PDE3A: variants seen among roughly 807,000 people sequenced by gnomAD.
The protein encoded by PDE3A is cGMP-inhibited 3',5'-cyclic phosphodiesterase 3A.
In PDE3A, 43 loss-of-function variants were observed where a neutral mutation model predicts 98.3. That is an observed-to-expected ratio of 0.44 (90% CI 0.34 to 0.56). The LOEUF (loss-of-function observed/expected upper bound fraction) is 0.56. Among genes scored for constraint, PDE3A ranks in the 20% least tolerant of loss-of-function variants. PDE3A has a pLI of 0.01. For missense variants in PDE3A, 1,427 were observed against 1,440.7 expected (o/e 0.99, Z 0.15); for synonymous variants, 663 against 567.9 (o/e 1.17, Z -2.38).
rs1565476416 is a variant in PDE3A at position 20,680,199 on chromosome 12, T to TTTG, written c.3354_3355insTTG (p.Ala1118_Ile1119insLeu). On this transcript the variant is annotated inframe_insertion, in exon 16 of 16. Transcript: ENST00000359062. ...CGCACTCTTCAGAACAGATCCAGGC[T>TTTG]ATCAAGGAAGAAGAAGAAGAGAAAG... The TTTG allele has an allele frequency of 1.2e-6, 2 of 1,613,788 alleles. 1 individual carries two copies. Among genetic ancestry groups the TTTG allele is most frequent in the South Asian group, 2.2e-5 (2 of 91,084 alleles).
chr12:20,649,961 CCAAT>C (rs60937223), intron 13 of PDE3A, among the ~76,000 whole-genome samples: 76,132 of 151,670 alleles, frequency 0.5, 20,269 homozygotes, highest in East Asian at 0.76. Context: ...ATTATATATG[CCAAT>C]TTAAAAAAGC....
intron 1 of PDE3A, among the ~76,000 whole-genome samples, chr12:20,416,381 A>G (rs561977996): frequency 3.7e-4 from 56 of 152,362 alleles, no homozygotes; most frequent in African/African-American, 1.3e-3. Flanking sequence ...AATTTAAGAC[A>G]TGAATGGATA....
At chr12:20,458,572 C>T (rs1247560717) in intron 1 of PDE3A, among the ~76,000 whole-genome samples, 4 of 152,070 alleles carry the variant, frequency 2.6e-5, no homozygotes, top group African/African-American at 9.7e-5. Context: ...TACTGCCTGC[C>T]TGGGAGGAGT....
intron 1 of PDE3A, among the ~76,000 whole-genome samples, chr12:20,392,697 G>C (rs542882638): frequency 2.0e-5 from 3 of 152,122 alleles, no homozygotes; most frequent in African/African-American, 7.2e-5. Context: ...TTGTAGCACT[G>C]TTCACAATAG....
At chr12:20,517,128 C>A (rs1054914341) in intron 1 of PDE3A, among the ~76,000 whole-genome samples, 1 of 152,154 alleles carries the variant, frequency 6.6e-6, no homozygotes, top group Non-Finnish European at 1.5e-5. Context: ...CTTTCCAATG[C>A]GGTTCTAGAA....
At chr12:20,426,929 A>G (rs867819977) in intron 1 of PDE3A, among the ~76,000 whole-genome samples, 2 of 152,328 alleles carry the variant, frequency 1.3e-5, no homozygotes, top group South Asian at 2.1e-4. Flanking sequence ...GGGCTGTTCT[A>G]TGATTGCATG....
At chr12:20,675,462 T>C (rs1264693071) in intron 15 of PDE3A, among the ~76,000 whole-genome samples, 1 of 152,208 alleles carries the variant, frequency 6.6e-6, no homozygotes, top group South Asian at 2.1e-4. Context: ...CGTTTATTTA[T>C]TAATTTTCTG....
chr12:20,504,216 T>A (rs1003447836), intron 1 of PDE3A, among the ~76,000 whole-genome samples: 18 of 152,082 alleles, frequency 1.2e-4, no homozygotes, highest in Admixed American at 1.1e-3. Flanking sequence ...GTATTCTGCA[T>A]GCAGATAAAC....
intron 1 of PDE3A, among the ~76,000 whole-genome samples, chr12:20,378,091 A>G (rs1943603141): frequency 1.3e-5 from 2 of 151,744 alleles, no homozygotes; most frequent in African/African-American, 2.4e-5. Flanking sequence ...TTATATAAAT[A>G]CCACTTTCAT....
Position 20,552,693 on chromosome 12 carries a change from G to A in PDE3A, c.961-3967G>A. The stretch of plus-strand genomic sequence containing the variant: ...AGAGCAGCCTCATCAGAGAGGACAA[G>A]AGCAACGCCAAGCTGTGGAATGAGG... On this transcript the variant is annotated intron_variant, in intron 1 of 15. Transcript: ENST00000359062. The surrounding 1 kb of genome is among the most constrained non-coding windows in gnomAD (Gnocchi z 5.1). 6.2e-7 allele frequency: 1 copy of A among 1,614,038 alleles called. No individual in the cohort carries two copies. The highest frequency in any genetic ancestry group is 1.1e-5 in the South Asian group (1 of 91,090).
chr12:20,439,430 A>G (rs1323519497), intron 1 of PDE3A, among the ~76,000 whole-genome samples: 3 of 152,210 alleles, frequency 2.0e-5, no homozygotes, highest in Non-Finnish European at 4.4e-5. Context: ...GATTCTTTAT[A>G]TGCATGAAAG....
chr12:20,498,880 C>T (rs932719463), intron 1 of PDE3A, among the ~76,000 whole-genome samples: 1 of 151,956 alleles, frequency 6.6e-6, no homozygotes, highest in Admixed American at 6.6e-5. Flanking sequence ...TGCCCCTCTG[C>T]CTCAGTATGG....
intron 1 of PDE3A, among the ~76,000 whole-genome samples, chr12:20,450,702 C>A (rs560224687): frequency 3.7e-3 from 556 of 152,304 alleles, no homozygotes; most frequent in Non-Finnish European, 5.3e-3. Flanking sequence ...AACCAAGAGT[C>A]ATCTAGAATT....
intron 1 of PDE3A, among the ~76,000 whole-genome samples, chr12:20,380,347 G>A (rs1311021946): frequency 6.6e-6 from 1 of 151,820 alleles, no homozygotes; most frequent in African/African-American, 2.4e-5. Flanking sequence ...AAATTTGGTA[G>A]CATAATTGCA....
At chr12:20,499,811 A>G (rs1390648310) in intron 1 of PDE3A, among the ~76,000 whole-genome samples, 1 of 152,192 alleles carries the variant, frequency 6.6e-6, no homozygotes, top group South Asian at 2.1e-4. Flanking sequence ...TTCCTTTATT[A>G]TAATTAACAG....
intron 2 of PDE3A, among the ~76,000 whole-genome samples, chr12:20,580,026 T>C (rs530373012): frequency 1.2e-4 from 18 of 152,306 alleles, no homozygotes; most frequent in Middle Eastern, 3.4e-3. Flanking sequence ...AATGAGACCA[T>C]GCACGTTAGA....
intron 2 of PDE3A, among the ~76,000 whole-genome samples, chr12:20,585,155 A>G (rs1943163080): frequency 6.6e-6 from 1 of 152,210 alleles, no homozygotes; most frequent in African/African-American, 2.4e-5. Flanking sequence ...CATAAAAAAC[A>G]GTAGTTGCCA....
chr12:20,569,546 A>G (rs1310945397), intron 2 of PDE3A, among the ~76,000 whole-genome samples: 1 of 152,136 alleles, frequency 6.6e-6, no homozygotes, highest in African/African-American at 2.4e-5. Context: ...GCATTACCCT[A>G]TTTAATATTT....
chr12:20,444,009 G>A (rs1327015428), intron 1 of PDE3A, among the ~76,000 whole-genome samples: 1 of 152,150 alleles, frequency 6.6e-6, no homozygotes, highest in East Asian at 1.9e-4. Flanking sequence ...TTGCAGGACT[G>A]GTTTATATAG....
Sources: gnomAD v4.1 joint callset for allele counts (sites outside exome capture counted in the v4.1 genomes callset) on GRCh38, gnomAD v4.1.1 for gene constraint, Gnocchi (gnomAD v3.1) non-coding constraint, MANE v1.5 for transcripts, NCBI Gene and HGNC (gene_info 2026-07-23, HGNC 2026-07-21) for gene names.